Variants in DHPS observed in about 807,000 individuals in gnomAD.
The protein encoded by DHPS is migration-inducing gene 13.
In DHPS, 24 loss-of-function variants were observed where a neutral mutation model predicts 38.7. That is an observed-to-expected ratio of 0.62 (90% CI 0.45 to 0.87). The LOEUF is 0.87. Among genes scored for constraint, DHPS ranks in the 40% least tolerant of loss-of-function variants. DHPS has a pLI of 0.00. For missense variants in DHPS, 510 were observed against 497.6 expected, an observed-to-expected ratio of 1.02 and a Z score of -0.24; for synonymous variants, 250 against 204.4, an observed-to-expected ratio of 1.22 and a Z score of -1.90.
At chr19:12,677,470 T>C in intron 5 of DHPS, 74 bp from the exon 6 acceptor site, 1 of 1,295,368 alleles carries the variant, frequency 7.7e-7, no homozygotes, top group Non-Finnish European at 1.1e-6. Context: ...ACTATCTGAC[T>C]GTGGATGGGG....
intron 5 of DHPS, 81 bp from the exon 6 acceptor site, chr19:12,677,477 G>A: frequency 1.7e-6 from 2 of 1,204,638 alleles, no homozygotes; most frequent in South Asian, 1.3e-5. Flanking sequence ...GACTGTGGAT[G>A]GGGTGCCTAA....
intron 7 of DHPS, 21 bp from the exon 8 acceptor site, chr19:12,676,163 G>A (rs762817112): frequency 1.6e-5 from 25 of 1,587,842 alleles, no homozygotes; most frequent in South Asian, 5.6e-5. Context: ...GCGGGGGCAC[G>A]GTGGGCCCAG....
intron 8 of DHPS, 40 bp from the exon 9 acceptor site, chr19:12,675,973 C>G: frequency 1.2e-6 from 2 of 1,606,302 alleles, no homozygotes; most frequent in Non-Finnish European, 1.7e-6. Context: ...GGGACCCACA[C>G]TCATCGTCCC....
intron 4 of DHPS, 40 bp from the exon 5 acceptor site, chr19:12,679,583 C>G: frequency 6.2e-7 from 1 of 1,614,068 alleles, no homozygotes; most frequent in Non-Finnish European, 8.5e-7. Context: ...CCTCCCCTGA[C>G]TCCCACTGAA....
chr19:12,673,158 C>T, downstream of DHPS: 8 of 1,609,998 alleles, frequency 5.0e-6, no homozygotes, highest in Non-Finnish European at 6.8e-6. Flanking sequence ...CCTCCTCTCC[C>T]ACCCCTGGAG....
intron 1 of DHPS, chr19:12,681,110 G>A: frequency 1.6e-6 from 2 of 1,276,018 alleles, no homozygotes; most frequent in Non-Finnish European, 2.0e-6. Flanking sequence ...GGGATTATAG[G>A]CATGCGCCAC....
downstream of DHPS, among the ~76,000 whole-genome samples, chr19:12,674,985 G>A (rs1220225571): frequency 2.6e-5 from 4 of 152,008 alleles, no homozygotes; most frequent in Non-Finnish European, 4.4e-5. Flanking sequence ...ATGGTAGCGC[G>A]TGCCTGTAAT....
chr19:12,672,759 G>C, downstream of DHPS: 1 of 1,354,900 alleles, frequency 7.4e-7, no homozygotes, highest in Non-Finnish European at 1.0e-6. Flanking sequence ...CACTGGAAGA[G>C]CAGGCCCACT....
At chr19:12,676,912 C>T in intron 7 of DHPS, 196 bp downstream of exon 7, 1 of 596,578 alleles carries the variant, frequency 1.7e-6, no homozygotes, top group East Asian at 2.9e-5. Flanking sequence ...TCTTCTCATG[C>T]CATCATTTAG....
downstream of DHPS, among the ~76,000 whole-genome samples, chr19:12,674,388 G>A (rs2024510108): frequency 6.6e-6 from 1 of 152,212 alleles, no homozygotes; most frequent in Non-Finnish European, 1.5e-5. Context: ...CTCGGCAAAG[G>A]AGACATCAGC....
rs116722636 is a variant in DHPS at position 12,681,871 on chromosome 19, A to C, written c.-105T>G. ...CGCGCGTCTCCGCAAGAGCACAGGA[A>C]GTAGGGAACGTGCTTTGGGCGAAAG... On this transcript the variant is annotated 5_prime_UTR_variant, in exon 1 of 9. Coordinates refer to ENST00000210060, the MANE Select transcript of DHPS (RefSeq NM_001930.4). 1 of 1,013,844 alleles carries C rather than the reference A, an allele frequency of 9.9e-7. No homozygotes were observed. Among genetic ancestry groups the C allele is most frequent in the Non-Finnish European group, 1.5e-6 (1 of 688,428 alleles). The allele number at this position is 1,013,844 out of a possible 1,614,324, so 62.8% of individuals were successfully genotyped here.
At chr19:12,673,412 T>A (rs1309921840), downstream of DHPS, 71 of 168,284 alleles carry the variant, frequency 4.2e-4, no homozygotes, top group East Asian at 8.9e-4. Flanking sequence ...GCTAGGATCT[T>A]TTTTTTTTTT....
chr19:12,679,583 C>T, intron 4 of DHPS, 40 bp from the exon 5 acceptor site: 3 of 1,614,068 alleles, frequency 1.9e-6, no homozygotes, highest in Middle Eastern at 1.6e-4. Flanking sequence ...CCTCCCCTGA[C>T]TCCCACTGAA....
chr19:12,679,997 A>G (rs747646255), intron 2 of DHPS, 75 bp from the exon 3 acceptor site: 2 of 1,566,456 alleles, frequency 1.3e-6, no homozygotes, highest in Non-Finnish European at 1.7e-6. Context: ...TTCTAACCTC[A>G]TCCTTGTCCA....
chr19:12,672,953 G>A (rs749281090), downstream of DHPS: 4 of 1,595,492 alleles, frequency 2.5e-6, no homozygotes, highest in South Asian at 3.4e-5. Flanking sequence ...CAGGGAAGAT[G>A]GGGGGCCAAC....
chr19:12,681,249 C>T (rs912657091), intron 1 of DHPS: 11 of 1,285,094 alleles, frequency 8.6e-6, no homozygotes, highest in Non-Finnish European at 1.0e-5. Context: ...CTCCCATATC[C>T]TCCCTTAATT....
intron 5 of DHPS, 55 bp downstream of exon 5, chr19:12,679,402 A>C: frequency 1.3e-6 from 2 of 1,523,272 alleles, no homozygotes; most frequent in African/African-American, 2.7e-5. Context: ...TGGAAAGATG[A>C]AATAAGTTAA....
chr19:12,679,806 G>A lies in DHPS; in HGVS notation c.489C>T (p.Ile163=), dbSNP rs1046576186. ...ACACCACTCAGGGTTCTCACCTATT[G>A]ATCCCGTTCTCCCGGAGCTCCTTCC... ...LRGKELRENG[I]NRIGNLLVPN... Residue 163 remains isoleucine (I), a synonymous_variant, in exon 3 of 9, where the codon ATC becomes ATT. Transcript: ENST00000210060. 7 of 1,614,096 alleles carry A rather than the reference G, an allele frequency of 4.3e-6. No individual in the cohort carries two copies. In the Admixed American group the frequency reaches 1.2e-4, roughly 27 times the overall value.
chr19:12,681,845 G>T lies in DHPS; in HGVS notation c.-79C>A. On this transcript the variant is annotated 5_prime_UTR_variant, in exon 1 of 9. Coordinates refer to ENST00000210060, the MANE Select transcript of DHPS (RefSeq NM_001930.4). ...GCCCAGAAACGCGTTAAACCCCGACGCGCGCGTCTCCGCAAGAGCACAGGA... is the reference window on the plus strand; with the variant it reads ...GCCCAGAAACGCGTTAAACCCCGACTCGCGCGTCTCCGCAAGAGCACAGGA... 1 of 1,287,248 alleles carries T rather than the reference G, an allele frequency of 7.8e-7. No homozygotes were observed. Among genetic ancestry groups the T allele is most frequent in the Non-Finnish European group, 1.1e-6 (1 of 918,700 alleles). 79.7% of individuals were successfully genotyped at this position (1,287,248 alleles called of 1,614,324 possible).
Sources: gnomAD v4.1 joint callset for allele counts (sites outside exome capture counted in the v4.1 genomes callset) on GRCh38, gnomAD v4.1.1 for gene constraint, MANE v1.5 for transcripts, NCBI Gene and HGNC (gene_info 2026-07-23, HGNC 2026-07-21) for gene names.